Variants in PRDM16 observed in about 807,000 individuals in gnomAD.
PRDM16 encodes histone-lysine N-methyltransferase PRDM16.
Under a neutral mutation model 110.6 loss-of-function variants are expected in PRDM16, and 23 were observed. The ratio of observed to expected loss-of-function variants is 0.21; its 90% CI spans 0.15 to 0.29. The LOEUF is 0.29. Ranked by LOEUF, PRDM16 falls within the 10% of genes least tolerant of loss-of-function variation. The pLI, the probability that PRDM16 is intolerant of heterozygous loss-of-function variation, is 1.00. For synonymous variants in PRDM16, 799 were observed against 781.8 expected (o/e 1.02, Z -0.37); for missense variants, 1,615 against 1,794.3 (o/e 0.90, Z 1.81).
chr1:3,081,623 C>A lies in PRDM16; in HGVS notation c.37+12327C>A, dbSNP rs1642030882. Among the ~76,000 whole-genome samples, 1 of 152,184 alleles carries A rather than the reference C, an allele frequency of 6.6e-6. No homozygotes were observed. On this transcript the variant is annotated intron_variant, in intron 1 of 16. Coordinates refer to ENST00000270722, the MANE Select transcript of PRDM16 (RefSeq NM_022114.4). This position sits in a 1 kb window ranked among gnomAD's most constrained non-coding sequence, Gnocchi z 4.6. ...TCCTTCTGTGAGCACGGGGGGTGAG[C>A]AGTGGGCAGCTCCAGGAAGCCTTGC... is the stretch of plus-strand genomic sequence containing the variant.
At chr1:3,124,683 CA>C (rs1169291764) in intron 1 of PRDM16, among the ~76,000 whole-genome samples, 1 of 152,204 alleles carries the variant, frequency 6.6e-6, no homozygotes, top group Non-Finnish European at 1.5e-5. Context: ...GGCCGGGGGT[CA>C]GGTGTATCTG....
At chr1:3,401,638 C>A (rs1487878313) in intron 5 of PRDM16, among the ~76,000 whole-genome samples, 1 of 152,234 alleles carries the variant, frequency 6.6e-6, no homozygotes, top group African/African-American at 2.4e-5. Context: ...CACACATATT[C>A]ACATGCACAT....
At chr1:3,195,640 G>A (rs908473202) in intron 2 of PRDM16, among the ~76,000 whole-genome samples, 1 of 146,932 alleles carries the variant, frequency 6.8e-6, no homozygotes, top group Non-Finnish European at 1.5e-5. Context: ...GGAACCGGCC[G>A]CTTGTACCAA....
chr1:3,082,517 G>C (rs1642053630), intron 1 of PRDM16, among the ~76,000 whole-genome samples: 1 of 152,214 alleles, frequency 6.6e-6, no homozygotes, highest in South Asian at 2.1e-4. Flanking sequence ...TCAGAGATGG[G>C]GTTCCGGGGA....
intron 3 of PRDM16, among the ~76,000 whole-genome samples, chr1:3,349,652 C>T (rs554640015): frequency 1.1e-4 from 16 of 152,310 alleles, no homozygotes; most frequent in South Asian, 2.1e-4. Context: ...CAGGGCCGCC[C>T]GTGAAAGCCA....
intron 1 of PRDM16, among the ~76,000 whole-genome samples, chr1:3,178,464 C>T (rs1434665268): frequency 6.6e-6 from 1 of 152,232 alleles, no homozygotes; most frequent in Non-Finnish European, 1.5e-5. Context: ...AAGTGCTTTG[C>T]AGCCCAGCTG....
In PRDM16 at chr1:3,412,406, C is replaced by T. The variant is rs764703147; in HGVS notation, c.2209C>T (p.Leu737Phe). Residue 737 changes from leucine to phenylalanine, a missense_variant, in exon 9 of 17, where the codon CTT becomes TTT. By Grantham distance (22) the Leu-to-Phe change is conservative (BLOSUM62 0). Transcript: ENST00000270722. ...GTTCCTGCCCAACTTCCCCCACTCC[C>T]TTTACCCCTTCACGGACCGAGCCCT... ...FQFLPNFPHS[L>F]YPFTDRALAH... 4 of 1,613,112 alleles carry T rather than the reference C, an allele frequency of 2.5e-6. No homozygotes were observed. In the East Asian group the frequency reaches 8.9e-5, roughly 36 times the overall value.
intron 3 of PRDM16, among the ~76,000 whole-genome samples, chr1:3,365,128 G>A (rs1455965136): frequency 6.6e-6 from 1 of 152,190 alleles, no homozygotes; most frequent in Non-Finnish European, 1.5e-5. Flanking sequence ...GTTCCTTTTG[G>A]GTCTGTTCAG....
rs150395260 is a variant in PRDM16, at chr1:3,411,881, G to A, written c.1684G>A (p.Val562Ile). ...CCCAGCCCTGCCCCTGGTCTCCGCC[G>A]TCAGCAACAGCAGCCAGGGCACGAC... ...GNPALPLVSA[V>I]SNSSQGTTAA... Residue 562 changes from valine (V) to isoleucine (I), a missense_variant, in exon 9 of 17, where the codon GTC (valine) becomes ATC (isoleucine). Val to Ile is a conservative substitution (Grantham distance 29). Around this residue, in one of 5 missense-constraint regions of PRDM16, gnomAD observed 772 missense variants for 748.3 expected, o/e 1.03. Coordinates refer to ENST00000270722, the MANE Select transcript of PRDM16 (RefSeq NM_022114.4). 2.9e-4 allele frequency: 473 copies of A among 1,612,992 alleles called. No individual in the cohort carries two copies. In the African/African-American group the frequency reaches 4.7e-3, roughly 16 times the overall value.
intron 2 of PRDM16, among the ~76,000 whole-genome samples, chr1:3,215,724 GC>G (rs966727634): frequency 2.6e-5 from 4 of 152,162 alleles, no homozygotes; most frequent in African/African-American, 7.2e-5. Flanking sequence ...TCCCCTGCCA[GC>G]CCCTGCCCTC....
intron 1 of PRDM16, among the ~76,000 whole-genome samples, chr1:3,128,305 C>A (rs1292473882): frequency 2.6e-5 from 4 of 152,194 alleles, no homozygotes; most frequent in Admixed American, 1.3e-4. Flanking sequence ...GGTGCCTTGT[C>A]CTAGAAAGTC....
At chr1:3,123,485 G>A (rs1324686194) in intron 1 of PRDM16, among the ~76,000 whole-genome samples, 3 of 152,218 alleles carry the variant, frequency 2.0e-5, no homozygotes, top group Admixed American at 2.0e-4. Flanking sequence ...TGGAGGAGGG[G>A]GCAGCCATTC....
At chr1:3,409,870 CAT>C (rs1335873875) in intron 8 of PRDM16, among the ~76,000 whole-genome samples, 3 of 49,386 alleles carry the variant, frequency 6.1e-5, no homozygotes, top group Non-Finnish European at 1.0e-4. Context: ...TGTTTGTGTG[CAT>C]GTGTGTGGTT....
intron 2 of PRDM16, among the ~76,000 whole-genome samples, chr1:3,214,909 G>A (rs372408762): frequency 1.3e-5 from 2 of 152,204 alleles, no homozygotes; most frequent in Non-Finnish European, 1.5e-5. Flanking sequence ...GGCAGGGCCT[G>A]AGACCCTGGT....
intron 2 of PRDM16, among the ~76,000 whole-genome samples, chr1:3,200,265 C>T (rs1638586848): frequency 6.6e-6 from 1 of 152,220 alleles, no homozygotes; most frequent in Non-Finnish European, 1.5e-5. Flanking sequence ...GGGCTGAAGC[C>T]TGCACACCGG....
At chr1:3,342,868 A>G (rs1041276828) in intron 3 of PRDM16, among the ~76,000 whole-genome samples, 2 of 152,168 alleles carry the variant, frequency 1.3e-5, no homozygotes, top group African/African-American at 4.8e-5. Flanking sequence ...GTATGAATAG[A>G]TCCCAGGTTG....
intron 4 of PRDM16, among the ~76,000 whole-genome samples, chr1:3,393,864 C>T (rs1032500711): frequency 2.0e-5 from 3 of 152,198 alleles, no homozygotes; most frequent in Non-Finnish European, 4.4e-5. Context: ...CCGCCCCGCC[C>T]CGCCTCGGGC....
intron 2 of PRDM16, among the ~76,000 whole-genome samples, chr1:3,222,577 T>C (rs1034055094): frequency 1.3e-5 from 2 of 152,186 alleles, no homozygotes; most frequent in Non-Finnish European, 2.9e-5. Context: ...TTCATGGCCC[T>C]GCCCAGCAGG....
intron 1 of PRDM16, among the ~76,000 whole-genome samples, chr1:3,160,228 T>C (rs1643887210): frequency 6.6e-6 from 1 of 152,218 alleles, no homozygotes; most frequent in East Asian, 1.9e-4. Flanking sequence ...TGCCCTGGTG[T>C]CGATTGAATG....
Sources: allele counts gnomAD v4.1 joint callset (sites outside exome capture counted in the v4.1 genomes callset), GRCh38; gene constraint gnomAD v4.1.1; regional missense constraint gnomAD v4.1.1; non-coding constraint Gnocchi (gnomAD v3.1); transcripts MANE v1.5; gene names NCBI Gene and HGNC (gene_info 2026-07-23, HGNC 2026-07-21).